The following NRG1 variants were observed in gnomAD, a reference collection of about 807,000 sequenced individuals.
NRG1 encodes the protein pro-neuregulin-1, membrane-bound isoform.
In NRG1, 18 loss-of-function variants were observed where a neutral mutation model predicts 63.8. That is an observed-to-expected ratio of 0.28 (90% CI 0.19 to 0.42). The LOEUF is 0.42. NRG1 is among the 10% of genes least tolerant of loss of function. The pLI, the probability that NRG1 is intolerant of heterozygous loss-of-function variation, is 1.00. For missense variants in NRG1, 762 were observed against 814.7 expected, an observed-to-expected ratio of 0.94 and a Z score of 0.79; for synonymous variants, 302 against 301.3, an observed-to-expected ratio of 1.00 and a Z score of -0.02.
intron 1 of NRG1, among the ~76,000 whole-genome samples, chr8:32,019,120 A>G (rs1816035015): frequency 2.6e-5 from 4 of 151,696 alleles, no homozygotes; most frequent in Non-Finnish European, 5.9e-5. Flanking sequence ...TTTTTTTGAG[A>G]CGGAGTCTCA....
At chr8:32,421,579 G>A (rs982532096) in intron 1 of NRG1, among the ~76,000 whole-genome samples, 2 of 152,186 alleles carry the variant, frequency 1.3e-5, no homozygotes, top group African/African-American at 4.8e-5. Flanking sequence ...TGAAGCTTAA[G>A]TTCAGTGTGA....
At chr8:31,775,575 C>T (rs917163846) in intron 1 of NRG1, among the ~76,000 whole-genome samples, 1 of 152,054 alleles carries the variant, frequency 6.6e-6, no homozygotes, top group Non-Finnish European at 1.5e-5. Flanking sequence ...GTACTTGTAC[C>T]TCTTAAATAT....
At chr8:32,132,999 C>T (rs906484117) in intron 1 of NRG1, among the ~76,000 whole-genome samples, 21 of 151,698 alleles carry the variant, frequency 1.4e-4, no homozygotes, top group Non-Finnish European at 2.9e-4. Context: ...TCCCACTCCT[C>T]CCCCCTTTCC....
chr8:32,354,848 CA>C (rs1806154004), intron 1 of NRG1, among the ~76,000 whole-genome samples: 1 of 146,458 alleles, frequency 6.8e-6, no homozygotes, highest in South Asian at 2.1e-4. Context: ...AGAAGAGATT[CA>C]AAAGTCTAGA....
chr8:32,031,621 C>G (rs572857414), intron 1 of NRG1, among the ~76,000 whole-genome samples: 1 of 152,146 alleles, frequency 6.6e-6, no homozygotes, highest in Admixed American at 6.5e-5. Context: ...CCTCTTGCCC[C>G]CCATGACAGG....
chr8:32,497,182 C>T (rs1827299819), intron 1 of NRG1, among the ~76,000 whole-genome samples: 1 of 152,072 alleles, frequency 6.6e-6, no homozygotes, highest in Non-Finnish European at 1.5e-5. Context: ...CACGGTGGCT[C>T]ACGCCTGTAA....
chr8:31,833,219 T>G (rs1351014458), intron 1 of NRG1, among the ~76,000 whole-genome samples: 1 of 152,146 alleles, frequency 6.6e-6, no homozygotes, highest in Non-Finnish European at 1.5e-5. Context: ...TTGGTTAACT[T>G]AAAATCTCAG....
intron 1 of NRG1, among the ~76,000 whole-genome samples, chr8:32,296,349 G>C (rs564176444): frequency 7.9e-5 from 12 of 152,132 alleles, no homozygotes; most frequent in African/African-American, 2.4e-4. Context: ...CAGCCCTTTG[G>C]GGGGCTGAGA....
intron 5 of NRG1, among the ~76,000 whole-genome samples, chr8:32,701,203 A>G (rs1814786064): frequency 3.9e-5 from 6 of 152,210 alleles, no homozygotes; most frequent in Admixed American, 3.9e-4. Flanking sequence ...GAATGTATGT[A>G]TATTCTAATA....
chr8:32,035,802 C>T (rs1353041002), intron 1 of NRG1, among the ~76,000 whole-genome samples: 1 of 152,132 alleles, frequency 6.6e-6, no homozygotes, highest in Non-Finnish European at 1.5e-5. Context: ...AATTTTCCTC[C>T]ATCCCTTTAT....
chr8:32,594,972 G>C (rs1843108412), intron 1 of NRG1, among the ~76,000 whole-genome samples: 1 of 152,156 alleles, frequency 6.6e-6, no homozygotes, highest in Non-Finnish European at 1.5e-5. Context: ...TCTGATGACA[G>C]GATAGTGAAA....
rs1010327101 is a variant in NRG1, at chr8:32,242,213, T to C, written c.38-353615T>C. On this transcript the variant is annotated intron_variant, in intron 1 of 10. Coordinates refer to the NRG1 transcript ENST00000519301. ...CGCCTAGGCCAGGCACAATGGCTCA[T>C]GCCTGTAATCCCAGCACTTTGGGAG... Among the ~76,000 whole-genome samples, 15 of 152,130 alleles carry C rather than the reference T, an allele frequency of 9.9e-5. No individual in the cohort carries two copies. In the South Asian group the frequency reaches 1.0e-3, roughly 10 times the overall value.
At chr8:32,688,927 T>A (rs1001919099) in intron 5 of NRG1, among the ~76,000 whole-genome samples, 1 of 152,208 alleles carries the variant, frequency 6.6e-6, no homozygotes, top group Non-Finnish European at 1.5e-5. Flanking sequence ...TTTGTTCTTA[T>A]ATTGCCTAGG....
At chr8:32,702,880 T>A (rs1013745379) in intron 5 of NRG1, among the ~76,000 whole-genome samples, 7 of 152,176 alleles carry the variant, frequency 4.6e-5, no homozygotes, top group Non-Finnish European at 1.0e-4. Context: ...AGACTGTTTT[T>A]ATTGTCTTAC....
chr8:31,902,253 T>C (rs908705834), intron 1 of NRG1, among the ~76,000 whole-genome samples: 1 of 152,202 alleles, frequency 6.6e-6, no homozygotes, highest in African/African-American at 2.4e-5. Context: ...AGCTCTATTA[T>C]CTACTTAGGG....
intron 1 of NRG1, among the ~76,000 whole-genome samples, chr8:31,775,641 A>G (rs563380496): frequency 7.2e-5 from 11 of 152,262 alleles, no homozygotes; most frequent in African/African-American, 2.6e-4. Flanking sequence ...TAATCCCAGC[A>G]CGGAGGCCAA....
intron 2 of NRG1, among the ~76,000 whole-genome samples, chr8:32,604,292 G>A (rs1371121775): frequency 6.6e-6 from 1 of 152,138 alleles, no homozygotes; most frequent in Non-Finnish European, 1.5e-5. Context: ...GAAGATCAGG[G>A]GGTCTACATG....
At chr8:32,248,210 T>A (rs984381923) in intron 1 of NRG1, among the ~76,000 whole-genome samples, 1 of 152,150 alleles carries the variant, frequency 6.6e-6, no homozygotes, top group Admixed American at 6.6e-5. Flanking sequence ...ATCTCATTCA[T>A]GTATATTGAT....
intron 1 of NRG1, among the ~76,000 whole-genome samples, chr8:32,178,313 A>G (rs1007406952): frequency 3.3e-5 from 5 of 152,138 alleles, no homozygotes; most frequent in African/African-American, 1.2e-4. Context: ...GGCAGTGACT[A>G]AGAAAGACCA....
Sources: allele counts gnomAD v4.1 joint callset (sites outside exome capture counted in the v4.1 genomes callset), GRCh38; gene constraint gnomAD v4.1.1; transcripts MANE v1.5; gene names NCBI Gene and HGNC (gene_info 2026-07-23, HGNC 2026-07-21).